ANKRD13C: variants seen among roughly 807,000 people sequenced by gnomAD.
ANKRD13C encodes the protein ankyrin repeat domain-containing protein 13C.
Under a neutral mutation model 65.5 loss-of-function variants are expected in ANKRD13C, and 16 were observed. The ratio of observed to expected loss-of-function variants is 0.24; its 90% CI spans 0.17 to 0.37. The LOEUF (loss-of-function observed/expected upper bound fraction) is 0.37. ANKRD13C is among the 10% of genes least tolerant of loss of function. The pLI, the probability that ANKRD13C is intolerant of heterozygous loss-of-function variation, is 1.00. For synonymous variants in ANKRD13C, 235 were observed against 238.7 expected (o/e 0.98, Z 0.14); for missense variants, 503 against 655.9 (o/e 0.77, Z 2.55).
intron 9 of ANKRD13C, among the ~76,000 whole-genome samples, chr1:70,281,396 C>CT (rs71583111): frequency 0.039 from 3,333 of 85,298 alleles, 113 homozygotes; most frequent in African/African-American, 0.073. Flanking sequence ...TGACTAAATT[C>CT]TTTTTTTTTT....
chr1:70,336,691 T>A (rs1419944346), intron 1 of ANKRD13C, among the ~76,000 whole-genome samples: 1 of 152,118 alleles, frequency 6.6e-6, no homozygotes, highest in Admixed American at 6.6e-5. Context: ...TTCCAGATTT[T>A]TTTTAAAGTG....
intron 2 of ANKRD13C, among the ~76,000 whole-genome samples, chr1:70,329,605 C>T (rs1681694550): frequency 6.6e-6 from 1 of 151,962 alleles, no homozygotes; most frequent in African/African-American, 2.4e-5. Context: ...AGGAATACCT[C>T]AGAATTCATG....
intron 1 of ANKRD13C, among the ~76,000 whole-genome samples, chr1:70,343,291 T>C (rs1036827855): frequency 6.6e-6 from 1 of 152,192 alleles, no homozygotes; most frequent in African/African-American, 2.4e-5. Context: ...TCACCAACTA[T>C]ATCATAAAAC....
At chr1:70,340,420 G>T (rs1037565455) in intron 1 of ANKRD13C, among the ~76,000 whole-genome samples, 2 of 151,968 alleles carry the variant, frequency 1.3e-5, no homozygotes, top group Non-Finnish European at 2.9e-5. Flanking sequence ...AATTTCAATC[G>T]TCTGAAATGT....
At chr1:70,299,068 G>A (rs1329202436) in intron 7 of ANKRD13C, among the ~76,000 whole-genome samples, 12 of 151,262 alleles carry the variant, frequency 7.9e-5, no homozygotes, top group Admixed American at 7.9e-4. Flanking sequence ...GAAGCTTTAT[G>A]GTTCCAGATT....
chr1:70,331,910 C>G (rs558441687), intron 2 of ANKRD13C, among the ~76,000 whole-genome samples: 1 of 150,296 alleles, frequency 6.7e-6, no homozygotes, highest in Admixed American at 6.6e-5. Context: ...CTTGTGCAAC[C>G]AAATATAAAA....
chr1:70,273,809 A>G (rs1007116587), intron 11 of ANKRD13C, among the ~76,000 whole-genome samples: 3 of 151,980 alleles, frequency 2.0e-5, no homozygotes, highest in Non-Finnish European at 4.4e-5. Context: ...GGCACATGCC[A>G]TATGCCCAGC....
At chr1:70,296,400 A>G (rs1680084150) in intron 7 of ANKRD13C, 139 bp from the exon 8 acceptor site, 1 of 811,642 alleles carries the variant, frequency 1.2e-6, no homozygotes, top group Admixed American at 3.0e-5. Flanking sequence ...GTGAAGTGTT[A>G]CTTACTCTAA....
At chr1:70,263,776 C>T (rs1039530536) in intron 12 of ANKRD13C, among the ~76,000 whole-genome samples, 1 of 151,958 alleles carries the variant, frequency 6.6e-6, no homozygotes, top group Non-Finnish European at 1.5e-5. Flanking sequence ...CATAGGGAGA[C>T]CCTGTCTCTA....
At chr1:70,299,357 TC>T (rs2101331855) in intron 7 of ANKRD13C, among the ~76,000 whole-genome samples, 1 of 152,316 alleles carries the variant, frequency 6.6e-6, no homozygotes, top group Admixed American at 6.5e-5. Context: ...TAGATTTCAC[TC>T]TTTAGGTAAT....
In ANKRD13C at chr1:70,354,060, G is replaced by A. The variant is rs1682877644; in HGVS notation, c.349C>T (p.His117Tyr). ...ACATCCCCCTTGAAGACGCACTCGT[G>A]CACCGGGTAGTGTGCGGGGCAACTG... The part of the protein sequence containing the change: ...GGSCPAHYPV[H>Y]ECVFKGDVRR... Residue 117 changes from histidine to tyrosine, a missense_variant, in exon 1 of 13, where the codon CAC (histidine) becomes TAC (tyrosine). Physicochemically the swap from His to Tyr is moderately conservative, Grantham distance 83. Transcript: ENST00000370944. The A allele has an allele frequency of 6.2e-7, 1 of 1,604,538 alleles. No individual in the cohort carries two copies. The highest frequency in any genetic ancestry group is 8.5e-7 in the Non-Finnish European group (1 of 1,174,384).
chr1:70,290,439 T>C (rs1179062336), intron 9 of ANKRD13C, among the ~76,000 whole-genome samples: 3 of 152,162 alleles, frequency 2.0e-5, no homozygotes, highest in African/African-American at 7.2e-5. Flanking sequence ...AATCCGGCAC[T>C]CACACATATG....
chr1:70,264,259 T>A (rs1361697254), intron 12 of ANKRD13C, among the ~76,000 whole-genome samples: 1 of 152,054 alleles, frequency 6.6e-6, no homozygotes, highest in East Asian at 1.9e-4. Context: ...GTGGATCACT[T>A]GAGGTCAGGA....
chr1:70,291,244 C>T (rs1679855086), intron 9 of ANKRD13C, among the ~76,000 whole-genome samples: 1 of 152,116 alleles, frequency 6.6e-6, no homozygotes, highest in Non-Finnish European at 1.5e-5. Context: ...TGGTCTTGAA[C>T]TCCTGACCTC....
intron 2 of ANKRD13C, among the ~76,000 whole-genome samples, chr1:70,334,822 C>A (rs113361690): frequency 1.1e-4 from 17 of 152,084 alleles, no homozygotes; most frequent in African/African-American, 3.6e-4. Flanking sequence ...AGGAGAGTCG[C>A]TTGAACCTGG....
intron 9 of ANKRD13C, among the ~76,000 whole-genome samples, chr1:70,278,447 C>A (rs1679237963): frequency 6.7e-6 from 1 of 150,026 alleles, no homozygotes; most frequent in Non-Finnish European, 1.5e-5. Context: ...GACCTGAGAT[C>A]ACACCACTGC....
At chr1:70,304,887 ATTTT>A (rs1275433623) in intron 6 of ANKRD13C, among the ~76,000 whole-genome samples, 1 of 152,202 alleles carries the variant, frequency 6.6e-6, no homozygotes, top group African/African-American at 2.4e-5. Context: ...ATTTTTCTGT[ATTTT>A]CCAAGTTTTC....
Position 70,270,764 on chromosome 1 carries a change from C to T in ANKRD13C, c.1495+92G>A. ...CACGAACCAACAGAGGTGTTGGGGA[C>T]CCCTGCTTTAAAAGAAATTGCTTAT... On this transcript the variant is annotated intron_variant, in intron 12 of 12. Coordinates refer to ENST00000370944, the MANE Select transcript of ANKRD13C (RefSeq NM_030816.5). The T allele has an allele frequency of 3.6e-6, 3 of 837,984 alleles. No individual in the cohort carries two copies. The South Asian group carries it at 5.2e-5, about 15-fold the overall frequency. 51.9% of individuals were successfully genotyped at this position (837,984 alleles called of 1,614,324 possible).
chr1:70,353,827 G>C, intron 1 of ANKRD13C, 152 bp downstream of exon 1: 1 of 1,028,126 alleles, frequency 9.7e-7, no homozygotes, highest in Non-Finnish European at 1.3e-6. Context: ...CCACTGGCAC[G>C]CTATTACTGA....
Sources: allele counts gnomAD v4.1 joint callset (sites outside exome capture counted in the v4.1 genomes callset), GRCh38; gene constraint gnomAD v4.1.1; transcripts MANE v1.5; gene names NCBI Gene and HGNC (gene_info 2026-07-23, HGNC 2026-07-21).